The following PIK3IP1 variants were observed in gnomAD, a reference collection of about 807,000 sequenced individuals.
The protein encoded by PIK3IP1 is phosphoinositide-3-kinase interacting protein 1.
Under a neutral mutation model 30.7 loss-of-function variants are expected in PIK3IP1, and 28 were observed. That is an observed-to-expected ratio of 0.91 (90% CI 0.68 to 1.25). PIK3IP1 has a LOEUF of 1.25. PIK3IP1 is among the 50% of genes most tolerant of loss of function. The pLI, the probability that PIK3IP1 is intolerant of heterozygous loss-of-function variation, is 0.00. For missense variants in PIK3IP1, 333 were observed against 346.2 expected (o/e 0.96, Z 0.30); for synonymous variants, 159 against 140.8 (o/e 1.13, Z -0.91).
chr22:31,288,996 A>C, intron 5 of PIK3IP1: 1 of 495,844 alleles, frequency 2.0e-6, no homozygotes, highest in Non-Finnish European at 3.6e-6. Context: ...ACAGCAGGGA[A>C]TTTGCTATCA....
At position 31,289,602 on chromosome 22, in the gene PIK3IP1, G is replaced by T. The variant is rs1474489366; in HGVS notation, c.405C>A (p.Asn135Lys). The change falls in exon 4 of 6, where the codon AAC (asparagine) becomes AAA (lysine). Residue 135 changes from asparagine to lysine, a missense_variant. This residue lies in a region of PIK3IP1 where 217 missense variants were observed against 227.7 expected (regional missense o/e 0.95). Coordinates refer to ENST00000215912, the MANE Select transcript of PIK3IP1 (RefSeq NM_052880.5). ...CCGCCTCACTCCGAGCGGGCAGGGC[G>T]TTGGCAGGAGCGAACACCTGCACCT... ...ADEVQVFAPA[N>K]ALPARSEAAA... 4 of 1,559,450 alleles carry T rather than the reference G, an allele frequency of 2.6e-6. No individual in the cohort carries two copies. Among genetic ancestry groups the T allele is most frequent in the Non-Finnish European group, 3.5e-6 (4 of 1,150,676 alleles).
At chr22:31,289,283 T>G (rs1232147542) in intron 5 of PIK3IP1, 32 bp downstream of exon 5, 1 of 1,610,636 alleles carries the variant, frequency 6.2e-7, no homozygotes, top group East Asian at 2.2e-5. Flanking sequence ...CCTCCCCTCC[T>G]CCTAAGAGGG....
intron 1 of PIK3IP1, 114 bp from the exon 2 acceptor site, chr22:31,291,410 G>A (rs2049177853): frequency 2.5e-5 from 26 of 1,034,982 alleles, no homozygotes; most frequent in South Asian, 2.1e-4. Flanking sequence ...CTGGTTAGGG[G>A]ACCCCGGGCC....
In PIK3IP1 at chr22:31,289,453, T is replaced by A. The variant is rs371137425; in HGVS notation, c.508+46A>T. 1.3e-5 allele frequency: 21 copies of A among 1,555,968 alleles called. No individual in the cohort carries two copies. In the East Asian group the frequency reaches 1.6e-4, roughly 12 times the overall value. On this transcript the variant is annotated intron_variant, in intron 4 of 5. Coordinates refer to ENST00000215912, the MANE Select transcript of PIK3IP1 (RefSeq NM_052880.5). ...CACCCTAGACAATCAGCAAATGACATCTCTTGATGAATCCCAACGAGGGCA... is the reference window on the plus strand; with the variant it reads ...CACCCTAGACAATCAGCAAATGACAACTCTTGATGAATCCCAACGAGGGCA...
chr22:31,290,772 A>C, intron 3 of PIK3IP1, 193 bp downstream of exon 3: 5 of 763,740 alleles, frequency 6.5e-6, no homozygotes, highest in African/African-American at 1.9e-5. Context: ...CTCGCGGCGG[A>C]TGAGCTCATA....
chr22:31,288,420 AAGGG>A (rs59363676), intron 5 of PIK3IP1, among the ~76,000 whole-genome samples: 4 of 120,274 alleles, frequency 3.3e-5, no homozygotes, highest in African/African-American at 1.1e-4. Context: ...GGAAGGAAGG[AAGGG>A]AGGGAGGGAG....
At chr22:31,284,261 G>A (rs2049114920) in intron 5 of PIK3IP1, among the ~76,000 whole-genome samples, 1 of 152,232 alleles carries the variant, frequency 6.6e-6, no homozygotes, top group South Asian at 2.1e-4. Flanking sequence ...TCCGCGCCTT[G>A]CTTTCCTCAG....
rs2049099589 is a variant in PIK3IP1, at chr22:31,282,822, C to T, written c.*262G>A. 2 of 445,292 alleles carry T rather than the reference C, an allele frequency of 4.5e-6. No individual in the cohort carries two copies. The highest frequency in any genetic ancestry group is 2.0e-5 in the African/African-American group (1 of 50,868). 27.6% of individuals were successfully genotyped at this position (445,292 alleles called of 1,614,324 possible). Reference sequence around the variant, plus strand: ...AATGTTTGGAAGCCCTTAGCAGCAGCATCACTGTGGGAGCTGCCACTGTCT... The same window carrying T: ...AATGTTTGGAAGCCCTTAGCAGCAGTATCACTGTGGGAGCTGCCACTGTCT... On this transcript the variant is annotated 3_prime_UTR_variant, in exon 6 of 6. Transcript: ENST00000215912.
chr22:31,288,448 G>A (rs1221945803), intron 5 of PIK3IP1, among the ~76,000 whole-genome samples: 1 of 146,018 alleles, frequency 6.8e-6, no homozygotes, highest in African/African-American at 2.5e-5. Flanking sequence ...GGAAAGGAAG[G>A]AAAAATGCAG....
Position 31,290,945 on chromosome 22 carries a change from C to G in PIK3IP1, c.307+20G>C. On this transcript the variant is annotated intron_variant, in intron 3 of 5. Coordinates refer to ENST00000215912, the MANE Select transcript of PIK3IP1 (RefSeq NM_052880.5). ...CTGTCAGCGCCAGGAGCGGGGATTCCCGGGGTCCCGGGCAGGTACCTGGAC... is the reference window on the plus strand; with the variant it reads ...CTGTCAGCGCCAGGAGCGGGGATTCGCGGGGTCCCGGGCAGGTACCTGGAC... 6.5e-7 allele frequency: 1 copy of G among 1,549,586 alleles called. No individual in the cohort carries two copies. Among genetic ancestry groups the G allele is most frequent in the Non-Finnish European group, 8.7e-7 (1 of 1,152,920 alleles).
chr22:31,288,952 G>A lies in PIK3IP1; in HGVS notation c.587+363C>T, dbSNP rs1276921379. On this transcript the variant is annotated intron_variant, in intron 5 of 5. Transcript: ENST00000215912. ...CAGTGTCAAGCCTGATTTCTGCAGT[G>A]CCACTCACTTCAATGCCAGGCATGT... is the stretch of plus-strand genomic sequence containing the variant. The A allele has an allele frequency of 6.7e-6, 3 of 448,786 alleles. No individual in the cohort carries two copies. The East Asian group carries it at 1.1e-4, about 16-fold the overall frequency. The allele number at this position is 448,786 out of a possible 1,614,324, so 27.8% of individuals were successfully genotyped here.
In PIK3IP1 at chr22:31,283,296, G is replaced by C. The variant is rs8135437; in HGVS notation, c.588-8C>G. On this transcript the variant is annotated splice_polypyrimidine_tract_variant and splice_region_variant and intron_variant, in intron 5 of 5. Coordinates refer to ENST00000215912, the MANE Select transcript of PIK3IP1 (RefSeq NM_052880.5). Reference sequence around the variant, plus strand: ...TCTTTCAAATCCTTCCCCCTGGCAGGAAAAAAACAAACAAACATTCAGGCT... The same window carrying C: ...TCTTTCAAATCCTTCCCCCTGGCAGCAAAAAAACAAACAAACATTCAGGCT... 1.2e-6 allele frequency: 2 copies of C among 1,600,920 alleles called. No individual in the cohort carries two copies. Among genetic ancestry groups the C allele is most frequent in the African/African-American group, 3.1e-5 (2 of 64,888 alleles).
At chr22:31,292,215 G>A in intron 1 of PIK3IP1, 60 bp downstream of exon 1, 1 of 1,533,366 alleles carries the variant, frequency 6.5e-7, no homozygotes, top group Admixed American at 1.7e-5. Context: ...TTGGGAAATA[G>A]GGGGCTTTAC....
intron 5 of PIK3IP1, among the ~76,000 whole-genome samples, chr22:31,286,182 A>T (rs1418943804): frequency 6.6e-6 from 1 of 152,106 alleles, no homozygotes; most frequent in Non-Finnish European, 1.5e-5. Context: ...ATCAGGGAAG[A>T]GCATACAGTA....
At position 31,282,360 on chromosome 22, in the gene PIK3IP1, C is replaced by G. The variant is rs2049096025; in HGVS notation, c.*724G>C. On this transcript the variant is annotated 3_prime_UTR_variant, in exon 6 of 6. Transcript: ENST00000215912. ...AAACTGGGGCATCCCAGGTCTGCCT[C>G]TGCTCCTGTGGCCAAAGGCGGAGCA... is the stretch of plus-strand genomic sequence containing the variant. 1 of 152,730 alleles carries G rather than the reference C, an allele frequency of 6.5e-6. No homozygotes were observed. The highest frequency in any genetic ancestry group is 2.1e-4 in the South Asian group (1 of 4,832). The allele number at this position is 152,730 out of a possible 1,614,324, so 9.5% of individuals were successfully genotyped here.
At chr22:31,289,741 T>C in intron 3 of PIK3IP1, 42 bp from the exon 4 acceptor site, 1 of 1,545,556 alleles carries the variant, frequency 6.5e-7, no homozygotes, top group Non-Finnish European at 8.8e-7. Context: ...GGGACTGCCC[T>C]GAGTGAATTC....
At chr22:31,284,281 T>C (rs2049115203) in intron 5 of PIK3IP1, among the ~76,000 whole-genome samples, 1 of 152,232 alleles carries the variant, frequency 6.6e-6, no homozygotes, top group African/African-American at 2.4e-5. Context: ...GCAACCTCCT[T>C]TACCTGTGGC....
chr22:31,286,389 C>T (rs1601459754), intron 5 of PIK3IP1, among the ~76,000 whole-genome samples: 2 of 152,178 alleles, frequency 1.3e-5, no homozygotes, highest in Non-Finnish European at 1.5e-5. Context: ...CAACCTACAG[C>T]TCTTTTCAGG....
At chr22:31,284,091 AT>A (rs778455623) in intron 5 of PIK3IP1, among the ~76,000 whole-genome samples, 22 of 151,940 alleles carry the variant, frequency 1.4e-4, no homozygotes, top group Non-Finnish European at 2.9e-4. Context: ...TTTAGTAGAG[AT>A]GGGGTTTCTC....
Sources: allele counts gnomAD v4.1 joint callset (sites outside exome capture counted in the v4.1 genomes callset), GRCh38; gene constraint gnomAD v4.1.1; regional missense constraint gnomAD v4.1.1; transcripts MANE v1.5; gene names NCBI Gene and HGNC (gene_info 2026-07-23, HGNC 2026-07-21).